The following SSH2 variants were observed in gnomAD, a reference collection of about 807,000 sequenced individuals.
The protein encoded by SSH2 is slingshot protein phosphatase 2.
SSH2 carries 37 observed loss-of-function variants against 135.2 expected under a neutral mutation model. That is an observed-to-expected ratio of 0.27 (90% CI 0.21 to 0.36). The LOEUF (loss-of-function observed/expected upper bound fraction) is 0.36. SSH2 is among the 10% of genes least tolerant of loss of function. The pLI is 1.00. For missense variants in SSH2, 1,408 were observed against 1,765.3 expected (o/e 0.80, Z 3.63); for synonymous variants, 628 against 646.2 (o/e 0.97, Z 0.43).
chr17:29,885,135 C>A (rs1456047145), intron 1 of SSH2, among the ~76,000 whole-genome samples: 1 of 152,066 alleles, frequency 6.6e-6, no homozygotes, highest in African/African-American at 2.4e-5. Context: ...TAATCTAGCA[C>A]CTCCCTTTTT....
intron 2 of SSH2, among the ~76,000 whole-genome samples, chr17:29,797,012 C>CG (rs1183553693): frequency 6.6e-6 from 1 of 151,662 alleles, no homozygotes; most frequent in Non-Finnish European, 1.5e-5. Flanking sequence ...TTTGTAGATA[C>CG]GGGGTCTCAC....
At chr17:29,859,288 T>C (rs2065718989) in intron 1 of SSH2, among the ~76,000 whole-genome samples, 1 of 152,172 alleles carries the variant, frequency 6.6e-6, no homozygotes, top group South Asian at 2.1e-4. Flanking sequence ...TTACACTTTT[T>C]TTTCTTTCTC....
intron 6 of SSH2, among the ~76,000 whole-genome samples, 160 bp downstream of exon 6, chr17:29,684,403 G>T (rs1053535081): frequency 6.6e-6 from 1 of 151,876 alleles, no homozygotes; most frequent in African/African-American, 2.4e-5. Flanking sequence ...CTTGAACCCG[G>T]GAGGCGGAGG....
At chr17:29,755,953 G>A (rs2041103644) in intron 3 of SSH2, among the ~76,000 whole-genome samples, 1 of 144,476 alleles carries the variant, frequency 6.9e-6, no homozygotes, top group Non-Finnish European at 1.5e-5. Flanking sequence ...GAGCCACCGC[G>A]CCAGCTAAAT....
At chr17:29,797,804 G>A (rs1417874105) in intron 2 of SSH2, among the ~76,000 whole-genome samples, 1 of 152,154 alleles carries the variant, frequency 6.6e-6, no homozygotes, top group Non-Finnish European at 1.5e-5. Flanking sequence ...GGGAGGATCG[G>A]TTGAGTCCAG....
At chr17:29,802,618 C>CAAAAAAAAAAAAAAAAAAAAAAAAA (rs74267073) in intron 2 of SSH2, among the ~76,000 whole-genome samples, 2 of 57,382 alleles carry the variant, frequency 3.5e-5, no homozygotes, top group South Asian at 7.2e-4. Flanking sequence ...ACTGTTTCTA[C>CAAAAAAAAAAAAAAAAAAAAAAAAA]AAAAAAAAAA....
intron 12 of SSH2, 121 bp from the exon 13 acceptor site, chr17:29,650,921 T>C: frequency 2.6e-6 from 2 of 766,588 alleles, no homozygotes; most frequent in Admixed American, 3.0e-5. Context: ...ACAAAAATAA[T>C]GAAGACAGCT....
chr17:29,711,792 C>T (rs912710456), intron 3 of SSH2, among the ~76,000 whole-genome samples: 10 of 152,182 alleles, frequency 6.6e-5, no homozygotes, highest in African/African-American at 1.7e-4. Flanking sequence ...CCCCATTATT[C>T]GTACTGCTTT....
At chr17:29,764,420 A>C (rs2041398750) in intron 3 of SSH2, among the ~76,000 whole-genome samples, 1 of 152,224 alleles carries the variant, frequency 6.6e-6, no homozygotes. Context: ...AGCTCAATTT[A>C]ATTCTTTACT....
At chr17:29,871,890 C>G (rs1013815444) in intron 1 of SSH2, among the ~76,000 whole-genome samples, 3 of 152,060 alleles carry the variant, frequency 2.0e-5, no homozygotes, top group Non-Finnish European at 1.5e-5. Context: ...AATATTTATA[C>G]AAAAATATTC....
chr17:29,735,843 T>C (rs1449234947), intron 3 of SSH2, among the ~76,000 whole-genome samples: 4 of 152,102 alleles, frequency 2.6e-5, no homozygotes, highest in Non-Finnish European at 5.9e-5. Flanking sequence ...TAGCTTGTAA[T>C]CCCAGCACTT....
intron 2 of SSH2, among the ~76,000 whole-genome samples, chr17:29,825,873 G>T (rs549904000): frequency 2.0e-5 from 3 of 152,134 alleles, no homozygotes; most frequent in Non-Finnish European, 4.4e-5. Flanking sequence ...TTGGTCAGAG[G>T]TCACAGCCCT....
chr17:29,744,401 C>G (rs567960743), intron 3 of SSH2, among the ~76,000 whole-genome samples: 2 of 152,210 alleles, frequency 1.3e-5, no homozygotes, highest in Non-Finnish European at 2.9e-5. Flanking sequence ...GGCATAATTT[C>G]TAACTTTTTA....
intron 3 of SSH2, among the ~76,000 whole-genome samples, chr17:29,764,654 T>G (rs1158153906): frequency 6.6e-6 from 1 of 152,232 alleles, no homozygotes; most frequent in African/African-American, 2.4e-5. Flanking sequence ...GTTGGAACAT[T>G]TGAAATTAGC....
chr17:29,825,458 A>T (rs1288553103), intron 2 of SSH2, among the ~76,000 whole-genome samples: 3 of 152,244 alleles, frequency 2.0e-5, no homozygotes, highest in African/African-American at 7.2e-5. Flanking sequence ...GTGGGAGAAA[A>T]GATGACATGT....
intron 1 of SSH2, among the ~76,000 whole-genome samples, chr17:29,899,777 T>A (rs1319267864): frequency 1.3e-5 from 2 of 151,998 alleles, no homozygotes; most frequent in Non-Finnish European, 2.9e-5. Flanking sequence ...ATTGGAAAAA[T>A]CTACTTTAAA....
At chr17:29,689,760 C>T (rs772973919) in intron 5 of SSH2, among the ~76,000 whole-genome samples, 4 of 152,046 alleles carry the variant, frequency 2.6e-5, no homozygotes, top group Non-Finnish European at 5.9e-5. Context: ...CCCTCGGCAT[C>T]CAATTTAAAT....
chr17:29,831,857 G>A lies in SSH2; in HGVS notation c.144+16992C>T, dbSNP rs191450533. Among the ~76,000 whole-genome samples the A allele has an allele frequency of 3.9e-3, 601 of 152,262 alleles. 4 individuals carry two copies. The highest frequency in any genetic ancestry group is 0.014 in the African/African-American group (562 of 41,562). On this transcript the variant is annotated intron_variant, in intron 2 of 15. Transcript: ENST00000540801. The stretch of plus-strand genomic sequence containing the variant: ...GCCTCCCAAAGTGCTGAGATTACAG[G>A]TGTAAGCCACTGTGCTCAGCTGCAA...
At chr17:29,637,168 G>C (rs1349937659) in intron 14 of SSH2, among the ~76,000 whole-genome samples, 1 of 152,022 alleles carries the variant, frequency 6.6e-6, no homozygotes, top group Non-Finnish European at 1.5e-5. Flanking sequence ...GCAGTGCAGC[G>C]GCTTACTGCA....
Sources: allele counts gnomAD v4.1 joint callset (sites outside exome capture counted in the v4.1 genomes callset), GRCh38; gene constraint gnomAD v4.1.1; transcripts MANE v1.5; gene names NCBI Gene and HGNC (gene_info 2026-07-23, HGNC 2026-07-21).